The following RIMS3 variants were observed in gnomAD, a reference collection of about 807,000 sequenced individuals.
RIMS3 encodes regulating synaptic membrane exocytosis 3.
Under a neutral mutation model 29.2 loss-of-function variants are expected in RIMS3, and 15 were observed. The ratio of observed to expected loss-of-function variants is 0.51; its 90% CI spans 0.34 to 0.79. The LOEUF (loss-of-function observed/expected upper bound fraction) is 0.79, where lower values mean the gene tolerates loss of function less well. Among genes scored for constraint, RIMS3 ranks in the 30% least tolerant of loss-of-function variants. RIMS3 has a pLI of 0.01. For synonymous variants in RIMS3, 161 were observed against 170.1 expected (o/e 0.95, Z 0.41); for missense variants, 342 against 421.4 (o/e 0.81, Z 1.65).
chr1:40,680,676 A>C, the RIMS3 span, among the ~76,000 whole-genome samples: 1 of 152,214 alleles, frequency 6.6e-6, no homozygotes, highest in Non-Finnish European at 1.5e-5. Context: ...GTCTATGTGT[A>C]TATGATTGAA....
rs1391536209 is a variant in RIMS3, at chr1:40,621,403, CAG to C, written c.*5112_*5113del. ...AGGACAAACCACGAAGAGAGGAAAG[CAG>C]AGTCTGTTAGGATTCCCAGAGTTCT... On this transcript the variant is annotated 3_prime_UTR_variant, in exon 8 of 8. Coordinates refer to ENST00000372684, the MANE Select transcript of RIMS3 (RefSeq NM_014747.3). The C allele has an allele frequency of 2.0e-5, 3 of 152,174 alleles. No individual in the cohort carries two copies. The highest frequency in any genetic ancestry group is 4.4e-5 in the Non-Finnish European group (3 of 68,074). The allele number at this position is 152,174 out of a possible 1,614,324, so 9.4% of individuals were successfully genotyped here. A position where few individuals can be genotyped will look rare whatever the true frequency, so the allele number is the denominator to read the frequency against.
rs182730490 is a variant in RIMS3 at position 40,644,578 on chromosome 1, G to A, written c.-31-2622C>T. Among the ~76,000 whole-genome samples the A allele has an allele frequency of 1.3e-3, 193 of 152,294 alleles. 3 individuals are homozygous for A. Among genetic ancestry groups the A allele is most frequent in the Non-Finnish European group, 3.1e-4 (21 of 68,024 alleles). On this transcript the variant is annotated intron_variant, in intron 2 of 7. Coordinates refer to ENST00000372684, the MANE Select transcript of RIMS3 (RefSeq NM_014747.3). ...ACTAAGTGCTAGGGAAGAGGACAGA[G>A]GGCCCTGAGAACCACTCTGGGGGAG...
chr1:40,623,442 C>T lies in RIMS3; in HGVS notation c.*3075G>A. 2.5e-6 allele frequency: 1 copy of T among 398,656 alleles called. No individual in the cohort carries two copies. 24.7% of individuals were successfully genotyped at this position (398,656 alleles called of 1,614,324 possible). On this transcript the variant is annotated 3_prime_UTR_variant, in exon 8 of 8. Coordinates refer to ENST00000372684, the MANE Select transcript of RIMS3 (RefSeq NM_014747.3). ...CGCTCTGAGTCATCCATCACTGTCC[C>T]TGCCCACAACCCAACATCACTGCAG...
the RIMS3 span, among the ~76,000 whole-genome samples, chr1:40,680,625 C>A: frequency 2.6e-5 from 4 of 152,066 alleles, no homozygotes; most frequent in Non-Finnish European, 1.5e-5. Context: ...AGCCACCATG[C>A]CCAGCAGATA....
chr1:40,641,678 C>T (rs781361161), intron 3 of RIMS3, 31 bp downstream of exon 3: 3 of 1,608,720 alleles, frequency 1.9e-6, no homozygotes, highest in Non-Finnish European at 2.6e-6. Flanking sequence ...TGTCCCCCAC[C>T]TCTACCCCGT....
Position 40,659,373 on chromosome 1 carries a change from T to C in RIMS3, c.-207+6021A>G, listed in dbSNP as rs367899197. Among the ~76,000 whole-genome samples, 39 of 152,190 alleles carry C rather than the reference T, an allele frequency of 2.6e-4. No individual in the cohort carries two copies. The East Asian group carries it at 6.6e-3, about 26-fold the overall frequency. Reference sequence around the variant, plus strand: ...TTTCCTGTCAGTGACAGGGAGCTATTGAAGTATTTTAAGTAGCAGGGGGTG... The same window carrying C: ...TTTCCTGTCAGTGACAGGGAGCTATCGAAGTATTTTAAGTAGCAGGGGGTG... On this transcript the variant is annotated intron_variant, in intron 1 of 7. Transcript: ENST00000372684.
the RIMS3 span, among the ~76,000 whole-genome samples, chr1:40,671,757 CT>C: frequency 0.014 from 1,789 of 130,280 alleles, 24 homozygotes; most frequent in African/African-American, 0.04. Context: ...CCTTTCTTTT[CT>C]TTTTTTTTTT....
intron 1 of RIMS3, among the ~76,000 whole-genome samples, chr1:40,650,662 G>A (rs1432327247): frequency 2.0e-5 from 3 of 151,348 alleles, no homozygotes; most frequent in African/African-American, 4.9e-5. Flanking sequence ...AGGATTTTGA[G>A]ACCAGCCTGA....
At chr1:40,679,786 A>G in the RIMS3 span, among the ~76,000 whole-genome samples, 1 of 152,150 alleles carries the variant, frequency 6.6e-6, no homozygotes, top group African/African-American at 2.4e-5. Context: ...CTTACTTACT[A>G]ATCACAATTA....
the RIMS3 span, chr1:40,691,995 C>T: frequency 1.1e-5 from 3 of 280,078 alleles, no homozygotes; most frequent in East Asian, 1.6e-4. Context: ...CTCGGTCCGT[C>T]CTGCCCGCCG....
At chr1:40,676,905 C>G in the RIMS3 span, among the ~76,000 whole-genome samples, 81 of 152,250 alleles carry the variant, frequency 5.3e-4, 1 homozygote, top group African/African-American at 1.9e-3. Context: ...TGGATAATAT[C>G]TATCACTTCT....
the RIMS3 span, among the ~76,000 whole-genome samples, chr1:40,679,905 T>G: frequency 6.6e-6 from 1 of 152,078 alleles, no homozygotes; most frequent in African/African-American, 2.4e-5. Flanking sequence ...TTTTTTTTTT[T>G]TGGCACATAT....
At chr1:40,633,220 G>A (rs1646500750) in intron 4 of RIMS3, 39 bp from the exon 5 acceptor site, 1 of 1,506,888 alleles carries the variant, frequency 6.6e-7, no homozygotes, top group Admixed American at 1.7e-5. Context: ...GGGGGTCAGG[G>A]CAACCTGAGG....
At chr1:40,685,778 A>G in the RIMS3 span, among the ~76,000 whole-genome samples, 20 of 152,132 alleles carry the variant, frequency 1.3e-4, no homozygotes, top group African/African-American at 4.3e-4. Flanking sequence ...GCACATTCTC[A>G]TGGCCACACA....
intron 5 of RIMS3, 133 bp downstream of exon 5, chr1:40,632,936 G>A: frequency 1.3e-6 from 1 of 776,442 alleles, no homozygotes; most frequent in Non-Finnish European, 2.4e-6. Flanking sequence ...AAGAAGGGAA[G>A]TGACTTGCTT....
chr1:40,664,576 G>A (rs1189624719), intron 1 of RIMS3, among the ~76,000 whole-genome samples: 2 of 152,134 alleles, frequency 1.3e-5, no homozygotes, highest in African/African-American at 4.8e-5. Context: ...GGACCACATT[G>A]AAACAGGCCC....
chr1:40,685,998 A>C, the RIMS3 span, among the ~76,000 whole-genome samples: 1 of 152,072 alleles, frequency 6.6e-6, no homozygotes, highest in Non-Finnish European at 1.5e-5. Context: ...AAATACAAAA[A>C]ATTAGCTGGG....
intron 3 of RIMS3, among the ~76,000 whole-genome samples, chr1:40,637,717 A>T (rs946823965): frequency 6.6e-6 from 1 of 152,194 alleles, no homozygotes; most frequent in Non-Finnish European, 1.5e-5. Flanking sequence ...GTCAAGTCAC[A>T]GACACATGAT....
intron 2 of RIMS3, among the ~76,000 whole-genome samples, chr1:40,643,728 C>G (rs1646576186): frequency 1.3e-5 from 2 of 152,206 alleles, no homozygotes. Flanking sequence ...ATCCACCCAC[C>G]TCGGCCTCCC....
Sources: gnomAD v4.1 joint callset for allele counts (sites outside exome capture counted in the v4.1 genomes callset) on GRCh38, gnomAD v4.1.1 for gene constraint, MANE v1.5 for transcripts, NCBI Gene and HGNC (gene_info 2026-07-23, HGNC 2026-07-21) for gene names.